DUSP11: variants seen among roughly 807,000 people sequenced by gnomAD.
DUSP11 encodes the protein dual specificity phosphatase 11.
Under a neutral mutation model 41.4 loss-of-function variants are expected in DUSP11, and 27 were observed. The ratio of observed to expected loss-of-function variants is 0.65; its 90% CI spans 0.48 to 0.90. The LOEUF (loss-of-function observed/expected upper bound fraction) is 0.90, where lower values mean the gene tolerates loss of function less well. Ranked by LOEUF, DUSP11 falls within the 40% of genes least tolerant of loss-of-function variation. The pLI is 0.00. For missense variants in DUSP11, 465 were observed against 461.1 expected, an observed-to-expected ratio of 1.01 and a Z score of -0.08; for synonymous variants, 188 against 159.3, an observed-to-expected ratio of 1.18 and a Z score of -1.35.
chr2:73,779,639 C>A, intron 1 of DUSP11: 1 of 638,530 alleles, frequency 1.6e-6, no homozygotes. Flanking sequence ...CGTATTTTAC[C>A]TAAGAGCAAT....
At chr2:73,773,947 T>C (rs1209246990) in intron 3 of DUSP11, 24 bp from the exon 4 acceptor site, 1 of 1,540,212 alleles carries the variant, frequency 6.5e-7, no homozygotes, top group East Asian at 2.3e-5. Context: ...CCATAAAAGA[T>C]GTGTATTATT....
chr2:73,773,801 ATTATCT>A, exon 4 of DUSP11: 1 of 1,604,944 alleles, frequency 6.2e-7, no homozygotes, highest in Non-Finnish European at 8.5e-7. Flanking sequence ...AAAACTCACC[ATTATCT>A]TTATTTTCTT....
chr2:73,766,331 T>C lies in DUSP11; in HGVS notation c.935+87A>G. On this transcript the variant is annotated intron_variant, in intron 8 of 8. Coordinates refer to ENST00000272444, the Ensembl canonical transcript of DUSP11. ...CTCCAAAAAAAAAAAAAACGAAGAA[T>C]TCCTCATCAGTATCATAATGTGTTT... 4 of 1,202,862 alleles carry C rather than the reference T, an allele frequency of 3.3e-6. No homozygotes were observed. The South Asian group carries it at 5.0e-5, about 15-fold the overall frequency. The allele number at this position is 1,202,862 out of a possible 1,614,324, so 74.5% of individuals were successfully genotyped here.
intron 4 of DUSP11, chr2:73,773,535 T>G: frequency 2.6e-6 from 1 of 381,784 alleles, no homozygotes. Context: ...CATTTTAATT[T>G]TATATATTTC....
chr2:73,779,879 G>C (rs755508920), exon 1 of DUSP11: 87 of 1,614,008 alleles, frequency 5.4e-5, no homozygotes, highest in Non-Finnish European at 6.9e-5. Context: ...ACTACCTTTC[G>C]GGGATGTGGT....
chr2:73,776,916 TA>T (rs1163074388), intron 2 of DUSP11, among the ~76,000 whole-genome samples: 2 of 152,238 alleles, frequency 1.3e-5, no homozygotes, highest in Non-Finnish European at 2.9e-5. Flanking sequence ...GATCAATATA[TA>T]ACATGTATCC....
At chr2:73,779,771 A>G (rs1201675038) in intron 1 of DUSP11, 103 bp downstream of exon 1, 3 of 1,544,224 alleles carry the variant, frequency 1.9e-6, no homozygotes, top group Admixed American at 2.0e-5. Flanking sequence ...GGACAAGTCA[A>G]GCTTGCGATG....
At chr2:73,766,570 C>T (rs1288825690) in exon 8 of DUSP11, 1 of 1,611,154 alleles carries the variant, frequency 6.2e-7, no homozygotes, top group Admixed American at 1.7e-5. Context: ...AATCACTTGA[C>T]CTGGGTACAC....
chr2:73,776,830 T>G (rs1383505680), intron 2 of DUSP11, among the ~76,000 whole-genome samples: 1 of 152,250 alleles, frequency 6.6e-6, no homozygotes, highest in Non-Finnish European at 1.5e-5. Context: ...TAAGAGATAT[T>G]AGTACTACTG....
At chr2:73,770,582 A>C (rs2103937017) in intron 4 of DUSP11, among the ~76,000 whole-genome samples, 1 of 152,080 alleles carries the variant, frequency 6.6e-6, no homozygotes, top group Non-Finnish European at 1.5e-5. Flanking sequence ...ACAACAAACT[A>C]ATCTCCCTAC....
At chr2:73,775,863 T>TA (rs1558535250) in intron 2 of DUSP11, among the ~76,000 whole-genome samples, 6,139 of 101,304 alleles carry the variant, frequency 0.061, 247 homozygotes, top group African/African-American at 0.13. Context: ...AAAAAAAAAT[T>TA]TAAAAAAAAA....
chr2:73,778,305 T>C (rs1182778717), exon 2 of DUSP11: 1 of 1,573,024 alleles, frequency 6.4e-7, no homozygotes, highest in East Asian at 2.4e-5. Flanking sequence ...GCTTACCTTT[T>C]GCAAAGGAAC....
chr2:73,767,023 A>G, intron 6 of DUSP11, 120 bp from the exon 7 acceptor site: 14 of 1,224,520 alleles, frequency 1.1e-5, no homozygotes, highest in Non-Finnish European at 1.7e-5. Context: ...ACATACATCT[A>G]TAGACTTTTG....
At chr2:73,776,401 G>A (rs1305229465) in intron 2 of DUSP11, among the ~76,000 whole-genome samples, 3 of 132,926 alleles carry the variant, frequency 2.3e-5, no homozygotes, top group Admixed American at 8.4e-5. Context: ...GGCGACAAGC[G>A]AGACACCATC....
At chr2:73,777,206 T>G (rs1672705250) in intron 2 of DUSP11, among the ~76,000 whole-genome samples, 1 of 152,208 alleles carries the variant, frequency 6.6e-6, no homozygotes, top group Admixed American at 6.5e-5. Flanking sequence ...CTAAAACTCC[T>G]GGACTCAAGC....
chr2:73,765,602 A>G (rs1473983946), intron 8 of DUSP11, among the ~76,000 whole-genome samples: 1 of 152,022 alleles, frequency 6.6e-6, no homozygotes, highest in East Asian at 1.9e-4. Flanking sequence ...CCATCCATCC[A>G]TCCATCCTAC....
intron 2 of DUSP11, among the ~76,000 whole-genome samples, chr2:73,777,670 A>C (rs944404244): frequency 9.2e-5 from 14 of 152,218 alleles, no homozygotes; most frequent in African/African-American, 2.7e-4. Flanking sequence ...TACAAATTCT[A>C]AACAACTTGC....
At chr2:73,762,360 A>T in exon 9 of DUSP11, 1 of 197,846 alleles carries the variant, frequency 5.1e-6, no homozygotes, top group South Asian at 1.4e-4. Context: ...AAAGAAATAC[A>T]TAGAAAAACA....
At position 73,768,503 on chromosome 2, in the gene DUSP11, T is replaced by C. The variant is rs772592717; in HGVS notation, c.635+762A>G. Reference sequence around the variant, plus strand: ...AAGCATAACGACACATACTATTTGATTAAGAAATTCTATTTTGAGTGAAAT... The same window carrying C: ...AAGCATAACGACACATACTATTTGACTAAGAAATTCTATTTTGAGTGAAAT... On this transcript the variant is annotated intron_variant, in intron 5 of 8. Transcript: ENST00000272444. 3.4e-4 allele frequency: 335 copies of C among 985,300 alleles called. 1 individual carries two copies. Among genetic ancestry groups the C allele is most frequent in the Non-Finnish European group, 3.9e-4 (325 of 829,936 alleles). The allele number at this position is 985,300 out of a possible 1,614,324, so 61.0% of individuals were successfully genotyped here.
Sources: gnomAD v4.1 joint callset for allele counts (sites outside exome capture counted in the v4.1 genomes callset) on GRCh38, gnomAD v4.1.1 for gene constraint, MANE v1.5 for transcripts, NCBI Gene and HGNC (gene_info 2026-07-23, HGNC 2026-07-21) for gene names.